The following STK35 variants were observed in gnomAD, a reference collection of about 807,000 sequenced individuals.
STK35 encodes the protein serine/threonine-protein kinase 35.
A neutral mutation model predicts 37.3 loss-of-function variants in STK35; 17 were observed. The ratio of observed to expected loss-of-function variants is 0.46; its 90% CI spans 0.31 to 0.68. The LOEUF (loss-of-function observed/expected upper bound fraction) is 0.68. Among genes scored for constraint, STK35 ranks in the 30% least tolerant of loss-of-function variants. The probability of loss-of-function intolerance (pLI) is 0.05; values close to 1 mark genes in which losing one functional copy is unlikely to be tolerated. For missense variants in STK35, 595 were observed against 746.7 expected (o/e 0.80, Z 2.37); for synonymous variants, 385 against 319.1 (o/e 1.21, Z -2.20).
intron 3 of STK35, among the ~76,000 whole-genome samples, chr20:2,140,745 C>T (rs564749202): frequency 5.9e-5 from 9 of 152,210 alleles, no homozygotes; most frequent in Non-Finnish European, 1.2e-4. Context: ...TGGGAAATGT[C>T]AGCTTCACTT....
At chr20:2,118,048 A>G (rs541380411) in intron 3 of STK35, among the ~76,000 whole-genome samples, 144 of 152,316 alleles carry the variant, frequency 9.5e-4, no homozygotes, top group African/African-American at 3.3e-3. Context: ...AGGTTTTCAG[A>G]GAATAAACAC....
intron 2 of STK35, among the ~76,000 whole-genome samples, chr20:2,113,525 T>C (rs1289201131): frequency 1.3e-5 from 2 of 152,152 alleles, no homozygotes; most frequent in Non-Finnish European, 2.9e-5. Context: ...CAAATAGGAA[T>C]AGCCTGGTCT....
chr20:2,110,674 T>C (rs1238909954), intron 2 of STK35, among the ~76,000 whole-genome samples: 1 of 152,206 alleles, frequency 6.6e-6, no homozygotes, highest in Non-Finnish European at 1.5e-5. Flanking sequence ...AGACTTCCTA[T>C]ATGTATTGCT....
chr20:2,148,153 C>A lies in STK35; in HGVS notation c.*4407C>A, dbSNP rs975448459. On this transcript the variant is annotated 3_prime_UTR_variant, in exon 4 of 4. Coordinates refer to ENST00000381482, the MANE Select transcript of STK35 (RefSeq NM_080836.4). Reference sequence around the variant, plus strand: ...AGGAGAGCCCACAGGAGGAAGGGAGCCTCTTCAGGGGCACTGGAATCTTTT... The same window carrying A: ...AGGAGAGCCCACAGGAGGAAGGGAGACTCTTCAGGGGCACTGGAATCTTTT... 6.6e-6 allele frequency: 1 copy of A among 152,334 alleles called. No homozygotes were observed. Among genetic ancestry groups the A allele is most frequent in the Admixed American group, 6.6e-5 (1 of 15,256 alleles). The allele number at this position is 152,334 out of a possible 1,614,324, so 9.4% of individuals were successfully genotyped here. A position where few individuals can be genotyped will look rare whatever the true frequency, so the allele number is the denominator to read the frequency against.
chr20:2,128,454 C>G (rs1181447645), intron 3 of STK35, among the ~76,000 whole-genome samples: 7 of 152,110 alleles, frequency 4.6e-5, no homozygotes, highest in Non-Finnish European at 1.0e-4. Flanking sequence ...TTTTCCCTTT[C>G]CCCCGTTCCT....
chr20:2,103,705 TTAG>T (rs1056538882), intron 2 of STK35, among the ~76,000 whole-genome samples: 7 of 152,134 alleles, frequency 4.6e-5, no homozygotes, highest in Admixed American at 2.6e-4. Flanking sequence ...TCGGGTTCAG[TTAG>T]TAGCAGAACT....
At chr20:2,140,038 G>T (rs1425196967) in intron 3 of STK35, among the ~76,000 whole-genome samples, 1 of 152,164 alleles carries the variant, frequency 6.6e-6, no homozygotes, top group Admixed American at 6.5e-5. Flanking sequence ...ATTAAGTGCT[G>T]GTTCTACTGC....
chr20:2,117,682 C>T lies in STK35; in HGVS notation c.*37+267C>T, dbSNP rs1985741631. On this transcript the variant is annotated intron_variant, in intron 3 of 3. Transcript: ENST00000381482. This position sits in a 1 kb window ranked among gnomAD's most constrained non-coding sequence, Gnocchi z 4.4. ...CTGGTCTCAAACTTCTGACCTCAAG[C>T]GATCTGCTGGTCTCAGCCTCCCAAA... 6.6e-6 allele frequency among the ~76,000 whole-genome samples: 1 copy of T among 152,108 alleles called. No homozygotes were observed. The highest frequency in any genetic ancestry group is 2.4e-5 in the African/African-American group (1 of 41,420).
At chr20:2,102,657 G>A (rs1023170331) in intron 1 of STK35, 111 bp from the exon 2 acceptor site, 7 of 1,077,058 alleles carry the variant, frequency 6.5e-6, no homozygotes, top group East Asian at 6.4e-5. Flanking sequence ...GGTGGCTTCC[G>A]TCTTAAAGGG....
intron 3 of STK35, among the ~76,000 whole-genome samples, chr20:2,137,741 C>T (rs1315374573): frequency 6.6e-6 from 1 of 152,186 alleles, no homozygotes; most frequent in East Asian, 1.9e-4. Context: ...GGAAGCGTGA[C>T]TCCCTGGCCT....
intron 3 of STK35, among the ~76,000 whole-genome samples, chr20:2,134,769 T>C (rs1161900157): frequency 6.6e-6 from 1 of 152,064 alleles, no homozygotes; most frequent in Non-Finnish European, 1.5e-5. Flanking sequence ...CACACGCCTG[T>C]AATCCCAGCT....
At chr20:2,132,699 A>T (rs1255722052) in intron 3 of STK35, among the ~76,000 whole-genome samples, 1 of 152,256 alleles carries the variant, frequency 6.6e-6, no homozygotes, top group Non-Finnish European at 1.5e-5. Context: ...TAAGGGTAAC[A>T]TCTGAATAGG....
intron 3 of STK35, among the ~76,000 whole-genome samples, chr20:2,126,959 G>A (rs1985916819): frequency 6.6e-6 from 1 of 152,190 alleles, no homozygotes; most frequent in African/African-American, 2.4e-5. Flanking sequence ...ATAGGCCATA[G>A]TGAGGAAGAT....
intron 3 of STK35, among the ~76,000 whole-genome samples, chr20:2,123,439 C>A (rs959760895): frequency 6.6e-6 from 1 of 152,146 alleles, no homozygotes; most frequent in African/African-American, 2.4e-5. Context: ...GATTTTACTT[C>A]TATTTTGCAA....
In STK35 at chr20:2,143,809, C is replaced by T. The variant is rs1322221542; in HGVS notation, c.*63C>T. On this transcript the variant is annotated 3_prime_UTR_variant, in exon 4 of 4. Coordinates refer to ENST00000381482, the MANE Select transcript of STK35 (RefSeq NM_080836.4). ...GTCGATTCCTCGGGACCCACAGTCT[C>T]ACCACGTCTCCTCCAGAGGACGGCA... The T allele has an allele frequency of 4.9e-6, 2 of 411,056 alleles. No individual in the cohort carries two copies. Among genetic ancestry groups the T allele is most frequent in the South Asian group, 1.7e-5 (1 of 57,742 alleles). The allele number at this position is 411,056 out of a possible 1,614,324, so 25.5% of individuals were successfully genotyped here.
At chr20:2,130,611 A>G (rs1240837884) in intron 3 of STK35, among the ~76,000 whole-genome samples, 1 of 152,184 alleles carries the variant, frequency 6.6e-6, no homozygotes, top group Non-Finnish European at 1.5e-5. Context: ...TACTAGTTAT[A>G]TAACATCAGA....
Position 2,102,956 on chromosome 20 carries a change from C to T in STK35, c.483C>T (p.Ser161=), listed in dbSNP as rs764029558. 6.8e-6 allele frequency: 10 copies of T among 1,474,532 alleles called. No homozygotes were observed. In the South Asian group the frequency reaches 1.3e-4, roughly 19 times the overall value. 91.3% of individuals were successfully genotyped at this position (1,474,532 alleles called of 1,614,324 possible). A position where few individuals can be genotyped will look rare whatever the true frequency, so the allele number is the denominator to read the frequency against. The part of the protein sequence containing the change: ...KRRSPVPRAP[S]TKLRPAAAAR... ...GAAGCCCAGTGCCGCGGGCGCCCAG[C>T]ACGAAGCTGAGGCCGGCGGCGGCGG... Residue 161 remains serine, a synonymous_variant, in exon 2 of 4, where the codon AGC becomes AGT. Coordinates refer to ENST00000381482, the MANE Select transcript of STK35 (RefSeq NM_080836.4).
At chr20:2,131,816 T>G (rs545702976) in intron 3 of STK35, among the ~76,000 whole-genome samples, 1 of 152,240 alleles carries the variant, frequency 6.6e-6, no homozygotes, top group East Asian at 1.9e-4. Context: ...CCTTCTGGGC[T>G]CAAGCTGTCC....
intron 3 of STK35, among the ~76,000 whole-genome samples, chr20:2,123,880 G>A (rs1233965656): frequency 6.6e-6 from 1 of 152,144 alleles, no homozygotes; most frequent in Non-Finnish European, 1.5e-5. Flanking sequence ...GAGGAGTGTG[G>A]CAGCCTGAGG....
Sources: gnomAD v4.1 joint callset for allele counts (sites outside exome capture counted in the v4.1 genomes callset) on GRCh38, gnomAD v4.1.1 for gene constraint, Gnocchi (gnomAD v3.1) non-coding constraint, MANE v1.5 for transcripts, NCBI Gene and HGNC (gene_info 2026-07-23, HGNC 2026-07-21) for gene names.